The following OAS1 variants were observed in gnomAD, a reference collection of about 807,000 sequenced individuals.
The protein encoded by OAS1 is 2'-5'-oligoadenylate synthetase 1.
In OAS1, 24 loss-of-function variants were observed where a neutral mutation model predicts 38.5. The ratio of observed to expected loss-of-function variants is 0.62; its 90% CI spans 0.45 to 0.88. The LOEUF (loss-of-function observed/expected upper bound fraction) is 0.88. Among genes scored for constraint, OAS1 ranks in the 40% least tolerant of loss-of-function variants. OAS1 has a pLI of 0.00. For synonymous variants in OAS1, 169 were observed against 193.9 expected, an observed-to-expected ratio of 0.87 and a Z score of 1.07; for missense variants, 482 against 493.9, an observed-to-expected ratio of 0.98 and a Z score of 0.23.
chr12:112,921,105 G>A (rs1278108473), downstream of OAS1, among the ~76,000 whole-genome samples: 1 of 152,190 alleles, frequency 6.6e-6, no homozygotes, highest in East Asian at 1.9e-4. Context: ...AGCTCAACCT[G>A]AGCACAGATT....
intron 6 of OAS1, among the ~76,000 whole-genome samples, chr12:112,928,154 T>C (rs912426016): frequency 2.6e-5 from 4 of 152,186 alleles, no homozygotes; most frequent in Non-Finnish European, 5.9e-5. Context: ...CTCTGTCCCT[T>C]CAAGTTACAA....
chr12:112,914,683 T>C (rs951894396), intron 3 of OAS1, among the ~76,000 whole-genome samples: 6 of 152,048 alleles, frequency 3.9e-5, no homozygotes, highest in Non-Finnish European at 7.4e-5. Context: ...TGCATTTCCC[T>C]GATAATTAGG....
downstream of OAS1, among the ~76,000 whole-genome samples, chr12:112,922,882 ACATGCCTGGCTAATTT>A (rs2043538915): frequency 6.6e-6 from 1 of 152,172 alleles, no homozygotes; most frequent in Non-Finnish European, 1.5e-5. Context: ...TTGTGTGCCA[ACATGCCTGGCTAATTT>A]TTAAATTTTT....
chr12:112,925,034 G>A (rs1430838617), intron 6 of OAS1, among the ~76,000 whole-genome samples: 1 of 152,150 alleles, frequency 6.6e-6, no homozygotes, highest in East Asian at 1.9e-4. Context: ...AATTTCCTCA[G>A]CTCCTCCCTG....
At chr12:112,925,541 C>A (rs114963003) in intron 6 of OAS1, among the ~76,000 whole-genome samples, 1 of 152,166 alleles carries the variant, frequency 6.6e-6, no homozygotes, top group African/African-American at 2.4e-5. Context: ...GGTGTGCATG[C>A]TTTGGGAGGC....
At chr12:112,926,336 A>G (rs2043557792) in intron 6 of OAS1, among the ~76,000 whole-genome samples, 1 of 152,340 alleles carries the variant, frequency 6.6e-6, no homozygotes, top group South Asian at 2.1e-4. Context: ...GGAGTACGAC[A>G]TGATGCTTGA....
chr12:112,908,709 G>T lies in OAS1; in HGVS notation c.354G>T (p.Lys118Asn). 1 of 1,614,230 alleles carries T rather than the reference G, an allele frequency of 6.2e-7. No homozygotes were observed. The highest frequency in any genetic ancestry group is 1.1e-5 in the South Asian group (1 of 91,084). The change falls in exon 2 of 6, where the codon AAG becomes AAT. Residue 118 changes from lysine to asparagine, a missense_variant. Lys to Asn is a moderately conservative substitution (Grantham distance 94). Transcript: ENST00000202917. ...ACQRERAFSV[K>N]FEVQAPRWGN... Reference sequence around the variant, plus strand: ...AAAGAGAGAGAGCATTTTCCGTGAAGTTTGAGGTCCAGGCTCCACGCTGGG... The same window carrying T: ...AAAGAGAGAGAGCATTTTCCGTGAATTTTGAGGTCCAGGCTCCACGCTGGG...
chr12:112,913,735 A>G (rs2043416858), intron 3 of OAS1, among the ~76,000 whole-genome samples: 1 of 152,086 alleles, frequency 6.6e-6, no homozygotes, highest in African/African-American at 2.4e-5. Flanking sequence ...CTAACTATTT[A>G]AAGTTCTTAT....
chr12:112,908,839 C>A lies in OAS1; in HGVS notation c.469+15C>A. 6.4e-7 allele frequency: 1 copy of A among 1,552,246 alleles called. No homozygotes were observed. The highest frequency in any genetic ancestry group is 8.7e-7 in the Non-Finnish European group (1 of 1,151,534). The stretch of plus-strand genomic sequence containing the variant: ...TGATGCCCTGGGTGAGAGCTCCCAG[C>A]TTCTTTTTCTCCCTCTTCCCATTTC... On this transcript the variant is annotated intron_variant, in intron 2 of 5. Transcript: ENST00000202917.
chr12:112,919,752 C>T lies in OAS1; in HGVS notation c.*199C>T. On this transcript the variant is annotated 3_prime_UTR_variant, in exon 6 of 6. Transcript: ENST00000202917. ...GATAACATTCTCCACAGCCTCACTT[C>T]ATTCCACCTATTCTCTGAAAATATT... is the stretch of plus-strand genomic sequence containing the variant. 1 of 1,461,562 alleles carries T rather than the reference C, an allele frequency of 6.8e-7. No homozygotes were observed. The highest frequency in any genetic ancestry group is 9.1e-7 in the Non-Finnish European group (1 of 1,101,740). 90.5% of individuals were successfully genotyped at this position (1,461,562 alleles called of 1,614,324 possible). A position where few individuals can be genotyped will look rare whatever the true frequency, so the allele number is the denominator to read the frequency against.
At chr12:112,925,544 T>C (rs948031037) in intron 6 of OAS1, among the ~76,000 whole-genome samples, 8 of 152,170 alleles carry the variant, frequency 5.3e-5, no homozygotes, top group Admixed American at 3.9e-4. Context: ...GTGCATGCTT[T>C]GGGAGGCCAA....
intron 6 of OAS1, among the ~76,000 whole-genome samples, chr12:112,925,002 A>T (rs371596218): frequency 1.4e-4 from 21 of 152,296 alleles, no homozygotes; most frequent in South Asian, 1.2e-3. Flanking sequence ...CTGAGCTGGA[A>T]ATTTCTGAGC....
intron 5 of OAS1, chr12:112,918,994 GAA>G (rs1475234789): frequency 3.7e-6 from 1 of 271,254 alleles, no homozygotes; most frequent in Non-Finnish European, 7.3e-6. Context: ...AAGGAAGCAT[GAA>G]AGAGAATAGG....
chr12:112,910,468 C>A (rs1460923167), intron 2 of OAS1, among the ~76,000 whole-genome samples: 1 of 151,970 alleles, frequency 6.6e-6, no homozygotes, highest in Non-Finnish European at 1.5e-5. Flanking sequence ...GGTTAGGGAG[C>A]TTTTTTAGAC....
In OAS1 at chr12:112,907,037, T is replaced by C. The variant is rs772789659; in HGVS notation, c.-3T>C. The C allele has an allele frequency of 1.2e-6, 2 of 1,614,192 alleles. No homozygotes were observed. ...AGTTCTGTTGCCACTCTCTCTCCTG[T>C]CAATGATGGATCTCAGAAATACCCC... On this transcript the variant is annotated 5_prime_UTR_variant, in exon 1 of 6. Coordinates refer to ENST00000202917, the MANE Select transcript of OAS1 (RefSeq NM_016816.4).
In OAS1 at chr12:112,919,598, C is replaced by A; in HGVS notation, c.*45C>A. The A allele has an allele frequency of 6.2e-7, 1 of 1,614,038 alleles. No homozygotes were observed. The highest frequency in any genetic ancestry group is 8.5e-7 in the Non-Finnish European group (1 of 1,179,972). On this transcript the variant is annotated 3_prime_UTR_variant, in exon 6 of 6. Transcript: ENST00000202917. ...GAAAGGGCTCCAGTGTTATCTGGAC[C>A]AGTTCCTTCATTTTCAGGTGGGACT...
chr12:112,911,209 C>T lies in OAS1; in HGVS notation c.628C>T (p.Arg210Cys), dbSNP rs754280709. 108 of 1,613,318 alleles carry T rather than the reference C, an allele frequency of 6.7e-5. No homozygotes were observed. Among genetic ancestry groups the T allele is most frequent in the Non-Finnish European group, 8.0e-5 (94 of 1,179,836 alleles). The change falls in exon 3 of 6, where the codon CGC (arginine) becomes TGC (cysteine). Residue 210 changes from arginine to cysteine, a missense_variant. Arg to Cys is a radical substitution (Grantham distance 180). Transcript: ENST00000202917. ...QRPTKLKSLI[R>C]LVKHWYQNCK... is the part of the protein sequence containing the mutation. Reference sequence around the variant, plus strand: ...CCCCACCAAGCTCAAGAGCCTCATCCGCCTAGTCAAGCACTGGTACCAAAA... The same window carrying T: ...CCCCACCAAGCTCAAGAGCCTCATCTGCCTAGTCAAGCACTGGTACCAAAA...
chr12:112,919,455 G>A lies in OAS1; in HGVS notation c.1105G>A (p.Gly369Arg), dbSNP rs903308626. Residue 369 changes from glycine (G) to arginine (R), a missense_variant, in exon 6 of 6, where the codon GGA (glycine) becomes AGA (arginine). Transcript: ENST00000202917. Reference sequence around the variant, plus strand: ...GAGGTATCAGAAATATGGTTACATTGGAACACATGAGTACCCTCATTTCTC... The same window carrying A: ...GAGGTATCAGAAATATGGTTACATTAGAACACATGAGTACCCTCATTTCTC... ...PRRYQKYGYI[G>R]THEYPHFSHR... is the part of the protein sequence containing the mutation. The A allele has an allele frequency of 2.5e-6, 4 of 1,614,052 alleles. No homozygotes were observed. The African/African-American group carries it at 5.3e-5, about 22-fold the overall frequency.
At chr12:112,910,149 C>T (rs2043355574) in intron 2 of OAS1, among the ~76,000 whole-genome samples, 1 of 152,168 alleles carries the variant, frequency 6.6e-6, no homozygotes. Flanking sequence ...GGGGGGATCA[C>T]TTGAAGTCAG....
Sources: gnomAD v4.1 joint callset for allele counts (sites outside exome capture counted in the v4.1 genomes callset) on GRCh38, gnomAD v4.1.1 for gene constraint, MANE v1.5 for transcripts, NCBI Gene and HGNC (gene_info 2026-07-23, HGNC 2026-07-21) for gene names.